Variants in CRTC2 observed in about 807,000 individuals in gnomAD.
The protein encoded by CRTC2 is CREB-regulated transcription coactivator 2.
A neutral mutation model predicts 70.9 loss-of-function variants in CRTC2; 25 were observed. That is an observed-to-expected ratio of 0.35 (90% CI 0.26 to 0.49). The LOEUF (loss-of-function observed/expected upper bound fraction) is 0.49, where lower values mean the gene tolerates loss of function less well. Among genes scored for constraint, CRTC2 ranks in the 20% least tolerant of loss-of-function variants. The pLI, the probability that CRTC2 is intolerant of heterozygous loss-of-function variation, is 0.98. For synonymous variants in CRTC2, 330 were observed against 364.1 expected (o/e 0.91, Z 1.07); for missense variants, 737 against 882.6 (o/e 0.83, Z 2.09).
Position 153,948,115 on chromosome 1 carries a change from G to A in CRTC2, c.2076C>T (p.Leu692=). Residue 692 remains leucine, a synonymous_variant, in exon 14 of 14, where the codon CTC becomes CTT. Transcript: ENST00000368633. ...AVEESFRSDR[L]Q ...GGATGGTGATGAGGTGCCCTCATTG[G>A]AGCCGGTCACTGCGGAATGACTCCT... is the stretch of plus-strand genomic sequence containing the variant. The A allele has an allele frequency of 6.2e-7, 1 of 1,614,058 alleles. No individual in the cohort carries two copies. Among genetic ancestry groups the A allele is most frequent in the South Asian group, 1.1e-5 (1 of 91,080 alleles).
intron 12 of CRTC2, 127 bp from the exon 13 acceptor site, chr1:153,948,771 A>C: frequency 9.1e-7 from 1 of 1,097,028 alleles, no homozygotes; most frequent in Non-Finnish European, 1.4e-6. Flanking sequence ...TGACAGAGGG[A>C]GGTGGCAGCA....
At chr1:153,949,439 CTCAG>C in intron 11 of CRTC2, 55 bp from the exon 12 acceptor site, 2 of 1,511,004 alleles carry the variant, frequency 1.3e-6, no homozygotes, top group South Asian at 1.3e-5. Flanking sequence ...CCCAAGAACT[CTCAG>C]TCAGAGCTTC....
chr1:153,948,199 G>T lies in CRTC2; in HGVS notation c.1992C>A (p.Gly664=). 3 of 1,614,238 alleles carry T rather than the reference G, an allele frequency of 1.9e-6. No homozygotes were observed. The highest frequency in any genetic ancestry group is 2.5e-6 in the Non-Finnish European group (3 of 1,180,036). ...CACTCAGCATGTTTAGCCCTTCCAGGCCCAGTGGCTCCATGCGCAGCTCAT... is the reference window on the plus strand; with the variant it reads ...CACTCAGCATGTTTAGCCCTTCCAGTCCCAGTGGCTCCATGCGCAGCTCAT... ...LEDELRMEPL[G]LEGLNMLSDP... Residue 664 remains glycine (G), a synonymous_variant, in exon 14 of 14, where the codon GGC becomes GGA. Coordinates refer to ENST00000368633, the MANE Select transcript of CRTC2 (RefSeq NM_181715.3).
In CRTC2 at chr1:153,949,219, G is replaced by A. The variant is rs1319534078; in HGVS notation, c.1570C>T (p.Pro524Ser). 1.9e-6 allele frequency: 3 copies of A among 1,614,118 alleles called. No individual in the cohort carries two copies. Among genetic ancestry groups the A allele is most frequent in the Middle Eastern group, 1.6e-4 (1 of 6,062 alleles). ...CCATAATGAGACTGCCTGCCTGGGG[G>A]CTGCCCACCTGAGGACTGCACTGAA... is the stretch of plus-strand genomic sequence containing the variant. Reference protein sequence around the residue: ...SCSVQSSGGQPPGRQSHYGTP... With the variant: ...SCSVQSSGGQSPGRQSHYGTP... The change falls in exon 12 of 14, where the codon CCC becomes TCC. Residue 524 changes from proline (P) to serine (S), a missense_variant. Physicochemically the swap from Pro to Ser is moderately conservative, Grantham distance 74. Around this residue, in one of 3 missense-constraint regions of CRTC2, gnomAD observed 699 missense variants for 823.7 expected, o/e 0.85. Transcript: ENST00000368633.
chr1:153,955,492 GGGAGGT>G (rs1272306546), intron 1 of CRTC2, among the ~76,000 whole-genome samples: 4 of 151,000 alleles, frequency 2.6e-5, no homozygotes, highest in Non-Finnish European at 5.9e-5. Flanking sequence ...GCGTGAACCT[GGGAGGT>G]GGAGGTTGCA....
chr1:153,953,775 C>A (rs888224949), intron 4 of CRTC2, among the ~76,000 whole-genome samples, 169 bp from the exon 5 acceptor site: 4 of 152,146 alleles, frequency 2.6e-5, no homozygotes, highest in Admixed American at 2.6e-4. Context: ...ACCCCTCCCC[C>A]AGTCAATCTA....
chr1:153,954,324 G>A lies in CRTC2; in HGVS notation c.373-8C>T. ...ATAGGGAGAGCTGTCAATGTGAACA[G>A]CACCAGTTAAGGAAAAAAGTAGAGA... On this transcript the variant is annotated splice_region_variant and splice_polypyrimidine_tract_variant and intron_variant, in intron 3 of 13. Transcript: ENST00000368633. 1 of 1,606,582 alleles carries A rather than the reference G, an allele frequency of 6.2e-7. No homozygotes were observed. The highest frequency in any genetic ancestry group is 8.5e-7 in the Non-Finnish European group (1 of 1,174,342).
In CRTC2 at chr1:153,958,048, A is replaced by G. The variant is rs1397617008; in HGVS notation, c.153+297T>C. 12 of 1,301,086 alleles carry G rather than the reference A, an allele frequency of 9.2e-6. No individual in the cohort carries two copies. In the Admixed American group the frequency reaches 3.6e-4, roughly 39 times the overall value. 80.6% of individuals were successfully genotyped at this position (1,301,086 alleles called of 1,614,324 possible). ...CGAGGGGACTCCGTCAGGGATGCACAAGGACCACTCACCTCCTACCTCCGC... is the reference window on the plus strand; with the variant it reads ...CGAGGGGACTCCGTCAGGGATGCACGAGGACCACTCACCTCCTACCTCCGC... On this transcript the variant is annotated intron_variant, in intron 1 of 13. Transcript: ENST00000368633.
intron 11 of CRTC2, among the ~76,000 whole-genome samples, 185 bp downstream of exon 11, chr1:153,951,075 C>T (rs1028925016): frequency 3.3e-5 from 5 of 151,964 alleles, no homozygotes; most frequent in South Asian, 2.1e-4. Flanking sequence ...TTAACCACAG[C>T]GTTTGGGTTT....
chr1:153,954,641 G>C (rs1373403362), intron 3 of CRTC2, among the ~76,000 whole-genome samples: 1 of 152,236 alleles, frequency 6.6e-6, no homozygotes, highest in Non-Finnish European at 1.5e-5. Flanking sequence ...GCAAGCTGAT[G>C]TGAAGACAGC....
At chr1:153,952,518 G>A in intron 8 of CRTC2, 53 bp downstream of exon 8, 2 of 1,612,494 alleles carry the variant, frequency 1.2e-6, no homozygotes, top group African/African-American at 2.7e-5. Context: ...CCTGCCCCAT[G>A]GCAAGGGGAT....
chr1:153,949,128 A>G lies in CRTC2; in HGVS notation c.1661T>C (p.Phe554Ser), dbSNP rs752498061. The change falls in exon 12 of 14, where the codon TTC (phenylalanine) becomes TCC (serine). Residue 554 changes from phenylalanine to serine, a missense_variant. Transcript: ENST00000368633. Reference sequence around the variant, plus strand: ...CTGAGTACTCACATTCCCCAGGTTGAAGTCACTCATTGGCCGGTGGTAAGA... The same window carrying G: ...CTGAGTACTCACATTCCCCAGGTTGGAGTCACTCATTGGCCGGTGGTAAGA... ...QQSYHRPMSDFNLGNLEQFSM... is the reference protein window; with the variant it reads ...QQSYHRPMSDSNLGNLEQFSM... 14 of 1,608,402 alleles carry G rather than the reference A, an allele frequency of 8.7e-6. No homozygotes were observed. Among genetic ancestry groups the G allele is most frequent in the African/African-American group, 4.0e-5 (3 of 74,768 alleles).
rs1557873880 is a variant in CRTC2 at position 153,958,548 on chromosome 1, C to T, written c.-51G>A. 2.7e-6 allele frequency: 4 copies of T among 1,507,302 alleles called. No individual in the cohort carries two copies. The highest frequency in any genetic ancestry group is 3.6e-6 in the Non-Finnish European group (4 of 1,121,772). The allele number at this position is 1,507,302 out of a possible 1,614,324, so 93.4% of individuals were successfully genotyped here. A position where few individuals can be genotyped will look rare whatever the true frequency, so the allele number is the denominator to read the frequency against. ...CCCTCCCAGTACCAGCCGCGGCCTCCGCCGCGGCCTCGGCCCGGCTCCTCC... is the reference window on the plus strand; with the variant it reads ...CCCTCCCAGTACCAGCCGCGGCCTCTGCCGCGGCCTCGGCCCGGCTCCTCC... On this transcript the variant is annotated 5_prime_UTR_variant, in exon 1 of 14. Coordinates refer to ENST00000368633, the MANE Select transcript of CRTC2 (RefSeq NM_181715.3).
At position 153,947,800 on chromosome 1, in the gene CRTC2, A is replaced by C; in HGVS notation, c.*309T>G. On this transcript the variant is annotated 3_prime_UTR_variant, in exon 14 of 14. Transcript: ENST00000368633. ...GGGCTGGCACTGCCCACCCCTAGGCATCCGGAAAAGCCCTGCTTCCAGGGC... is the reference window on the plus strand; with the variant it reads ...GGGCTGGCACTGCCCACCCCTAGGCCTCCGGAAAAGCCCTGCTTCCAGGGC... 2.4e-6 allele frequency: 1 copy of C among 409,668 alleles called. No homozygotes were observed. The allele number at this position is 409,668 out of a possible 1,614,324, so 25.4% of individuals were successfully genotyped here. A position where few individuals can be genotyped will look rare whatever the true frequency, so the allele number is the denominator to read the frequency against.
intron 1 of CRTC2, among the ~76,000 whole-genome samples, chr1:153,955,814 A>G (rs1447419676): frequency 3.3e-5 from 5 of 151,116 alleles, no homozygotes; most frequent in African/African-American, 1.2e-4. Context: ...TGCCCTCATC[A>G]ATGATATCAC....
chr1:153,954,710 C>G (rs555714780), intron 3 of CRTC2, among the ~76,000 whole-genome samples, 163 bp downstream of exon 3: 53 of 152,292 alleles, frequency 3.5e-4, no homozygotes, highest in African/African-American at 1.1e-3. Flanking sequence ...GTCACAGGAG[C>G]AGGTGCTGAC....
At chr1:153,948,677 G>A (rs1680156469) in intron 12 of CRTC2, 33 bp from the exon 13 acceptor site, 1 of 1,564,908 alleles carries the variant, frequency 6.4e-7, no homozygotes, top group Non-Finnish European at 8.7e-7. Flanking sequence ...TTAGGAAGTA[G>A]GATTTAGAAC....
chr1:153,958,435 T>C lies in CRTC2; in HGVS notation c.63A>G (p.Lys21=). 1 of 1,613,512 alleles carries C rather than the reference T, an allele frequency of 6.2e-7. No homozygotes were observed. The change falls in exon 1 of 14, where the codon AAA becomes AAG. Residue 21 remains lysine (K), a synonymous_variant. Coordinates refer to ENST00000368633, the MANE Select transcript of CRTC2 (RefSeq NM_181715.3). ...SATASASNPR[K]FSEKIALQKQ... ...TCTGCAGCGCAATCTTCTCACTAAA[T>C]TTGCGCGGATTGGAAGCCGAGGCCG...
chr1:153,952,468 T>A, intron 8 of CRTC2, 22 bp from the exon 9 acceptor site: 3 of 1,613,854 alleles, frequency 1.9e-6, no homozygotes, highest in Non-Finnish European at 2.5e-6. Flanking sequence ...AGGGAGAATA[T>A]GGAAAATGAG....
Sources: gnomAD v4.1 joint callset for allele counts (sites outside exome capture counted in the v4.1 genomes callset) on GRCh38, gnomAD v4.1.1 for gene constraint, gnomAD v4.1.1 regional missense constraint, MANE v1.5 for transcripts, NCBI Gene and HGNC (gene_info 2026-07-23, HGNC 2026-07-21) for gene names.